CCDC73: variants seen among roughly 807,000 people sequenced by gnomAD.
The protein encoded by CCDC73 is coiled-coil domain-containing protein 73.
A neutral mutation model predicts 116.5 loss-of-function variants in CCDC73; 95 were observed. The observed-to-expected ratio is 0.82, with a 90% CI of 0.69 to 0.97. The LOEUF (loss-of-function observed/expected upper bound fraction) is 0.97, where lower values mean the gene tolerates loss of function less well. Ranked by LOEUF, CCDC73 falls within the 50% of genes least tolerant of loss-of-function variation. The pLI is 0.00. For missense variants in CCDC73, 1,066 were observed against 1,206.8 expected (o/e 0.88, Z 1.73); for synonymous variants, 398 against 401.3 (o/e 0.99, Z 0.10).
chr11:32,775,709 T>C (rs1023289496), intron 1 of CCDC73, among the ~76,000 whole-genome samples: 1 of 152,138 alleles, frequency 6.6e-6, no homozygotes, highest in Non-Finnish European at 1.5e-5. Flanking sequence ...GAGCAACAGA[T>C]TGGGAATCCT....
At chr11:32,703,430 A>G (rs536866550) in intron 3 of CCDC73, among the ~76,000 whole-genome samples, 7 of 151,966 alleles carry the variant, frequency 4.6e-5, no homozygotes, top group Non-Finnish European at 8.8e-5. Context: ...TCATATAAAA[A>G]TTTTTGCTTC....
In CCDC73 at chr11:32,627,598, A is replaced by G. The variant is rs547412200; in HGVS notation, c.1185+8098T>C. ...ATGTCCATCAATGAGAGACTGGATT[A>G]AGAAAATGTGGCACATATACACCAT... On this transcript the variant is annotated intron_variant, in intron 14 of 17. Transcript: ENST00000335185. Among the ~76,000 whole-genome samples, 3 of 152,380 alleles carry G rather than the reference A, an allele frequency of 2.0e-5. No homozygotes were observed. In the East Asian group the frequency reaches 5.8e-4, roughly 29 times the overall value.
intron 10 of CCDC73, 67 bp downstream of exon 10, chr11:32,654,777 A>G: frequency 8.7e-7 from 1 of 1,154,452 alleles, no homozygotes; most frequent in Non-Finnish European, 1.2e-6. Flanking sequence ...TTGTGTTACA[A>G]TTCTGAAATT....
intron 6 of CCDC73, among the ~76,000 whole-genome samples, chr11:32,691,147 C>T (rs1374387584): frequency 3.3e-5 from 5 of 151,676 alleles, no homozygotes; most frequent in Non-Finnish European, 5.9e-5. Flanking sequence ...CAGCTTCAAG[C>T]GATTCTCCTG....
At chr11:32,742,317 G>T (rs140971534) in intron 2 of CCDC73, among the ~76,000 whole-genome samples, 1,575 of 152,258 alleles carry the variant, frequency 0.01, 26 homozygotes, top group African/African-American at 0.036. Context: ...TCCAGCATCT[G>T]CTGTTTTCTG....
intron 6 of CCDC73, among the ~76,000 whole-genome samples, chr11:32,689,431 A>T (rs1394294016): frequency 6.6e-6 from 1 of 152,182 alleles, no homozygotes; most frequent in African/African-American, 2.4e-5. Flanking sequence ...TTTACAATGA[A>T]GGAGCATTAG....
chr11:32,797,373 A>G (rs140630037), upstream of CCDC73, among the ~76,000 whole-genome samples: 1,446 of 152,216 alleles, frequency 9.5e-3, 15 homozygotes, highest in Middle Eastern at 0.031. Context: ...GCATATCCTG[A>G]CTCTGCCACA....
intron 1 of CCDC73, among the ~76,000 whole-genome samples, chr11:32,789,545 A>C (rs1365303077): frequency 6.6e-6 from 1 of 152,092 alleles, no homozygotes; most frequent in Admixed American, 6.6e-5. Flanking sequence ...CTAAGGCAGG[A>C]GGATCGCTTG....
At chr11:32,829,732 G>A in the CCDC73 span, 1 of 979,782 alleles carries the variant, frequency 1.0e-6, no homozygotes, top group South Asian at 4.7e-5. Flanking sequence ...AGCCACCCGC[G>A]CCGCCAAGGC....
chr11:32,632,602 TTG>T (rs148734503), intron 14 of CCDC73, among the ~76,000 whole-genome samples: 18 of 150,196 alleles, frequency 1.2e-4, no homozygotes, highest in Admixed American at 2.7e-4. Context: ...TCCTTACAGA[TTG>T]TGTGTGTGTG....
chr11:32,759,884 ATC>A (rs1202993413), intron 2 of CCDC73, among the ~76,000 whole-genome samples: 1 of 152,170 alleles, frequency 6.6e-6, no homozygotes, highest in Non-Finnish European at 1.5e-5. Context: ...CAAGTACTTA[ATC>A]TGAAAACTCT....
intron 1 of CCDC73, among the ~76,000 whole-genome samples, chr11:32,768,511 GA>G (rs992893562): frequency 3.6e-4 from 54 of 151,728 alleles, no homozygotes; most frequent in African/African-American, 1.1e-3. Context: ...AAGCAAAGAG[GA>G]AAAAAAGTCT....
intron 1 of CCDC73, among the ~76,000 whole-genome samples, chr11:32,774,441 T>C (rs1850515315): frequency 6.6e-6 from 1 of 152,180 alleles, no homozygotes; most frequent in Admixed American, 6.6e-5. Context: ...GAAAAATAAA[T>C]GGATGTGGTC....
intron 17 of CCDC73, among the ~76,000 whole-genome samples, chr11:32,610,801 C>A (rs1190032858): frequency 6.6e-6 from 1 of 152,212 alleles, no homozygotes; most frequent in Non-Finnish European, 1.5e-5. Flanking sequence ...GATTAGCTTA[C>A]TTTTAGACAT....
At chr11:32,830,045 C>A in the CCDC73 span, 1 of 987,256 alleles carries the variant, frequency 1.0e-6, no homozygotes, top group Non-Finnish European at 1.2e-6. Flanking sequence ...CCAGACCCTG[C>A]GGAGAGCGAG....
At chr11:32,818,266 T>C in the CCDC73 span, among the ~76,000 whole-genome samples, 9 of 152,234 alleles carry the variant, frequency 5.9e-5, no homozygotes, top group African/African-American at 2.2e-4. Flanking sequence ...GTAAAAGTAG[T>C]AAAGAGTTCA....
chr11:32,758,602 T>C, intron 2 of CCDC73: 1 of 391,402 alleles, frequency 2.6e-6, no homozygotes, highest in Admixed American at 2.7e-5. Flanking sequence ...AAGCACAGAG[T>C]TTGAAAGCTA....
Position 32,687,170 on chromosome 11 carries a change from C to T in CCDC73, c.391-3596G>A, listed in dbSNP as rs146080509. Among the ~76,000 whole-genome samples the T allele has an allele frequency of 7.6e-3, 1,165 of 152,298 alleles. 12 individuals carry two copies. The highest frequency in any genetic ancestry group is 0.026 in the African/African-American group (1,081 of 41,564). Reference sequence around the variant, plus strand: ...CCCTTCCTCTTCTTAAACAGTTCAGCTCTGAAGTCCATTAGGTTAGGTACA... The same window carrying T: ...CCCTTCCTCTTCTTAAACAGTTCAGTTCTGAAGTCCATTAGGTTAGGTACA... On this transcript the variant is annotated intron_variant, in intron 6 of 17. Coordinates refer to ENST00000335185, the MANE Select transcript of CCDC73 (RefSeq NM_001008391.4).
At chr11:32,757,118 C>T (rs536726671) in intron 2 of CCDC73, among the ~76,000 whole-genome samples, 7 of 151,878 alleles carry the variant, frequency 4.6e-5, no homozygotes, top group South Asian at 4.2e-4. Context: ...ATGATAAAAA[C>T]GAACTGACTA....
Sources: gnomAD v4.1 joint callset for allele counts (sites outside exome capture counted in the v4.1 genomes callset) on GRCh38, gnomAD v4.1.1 for gene constraint, MANE v1.5 for transcripts, NCBI Gene and HGNC (gene_info 2026-07-23, HGNC 2026-07-21) for gene names.